MYZAP: variants seen among roughly 807,000 people sequenced by gnomAD.
MYZAP encodes the protein myocardial zonula adherens protein, also known as GRINL1A complex locus upstream.
A neutral mutation model predicts 69.4 loss-of-function variants in MYZAP; 66 were observed. The ratio of observed to expected loss-of-function variants is 0.95; its 90% CI spans 0.78 to 1.17. MYZAP has a LOEUF of 1.17. MYZAP is among the 50% of genes most tolerant of loss of function. The pLI is 0.00. For missense variants in MYZAP, 611 were observed against 556.2 expected, an observed-to-expected ratio of 1.10 and a Z score of -0.99; for synonymous variants, 256 against 205.9, an observed-to-expected ratio of 1.24 and a Z score of -2.09.
At chr15:57,637,634 T>C in intron 8 of MYZAP, 61 bp from the exon 9 acceptor site, 1 of 1,571,890 alleles carries the variant, frequency 6.4e-7, no homozygotes, top group Admixed American at 1.8e-5. Context: ...AATTGCTAAA[T>C]AGACATTCTC....
intron 11 of MYZAP, among the ~76,000 whole-genome samples, chr15:57,669,949 G>A (rs1423632502): frequency 6.6e-6 from 1 of 151,936 alleles, no homozygotes. Flanking sequence ...AATTTTTGTT[G>A]ATATTTTTAT....
intron 10 of MYZAP, among the ~76,000 whole-genome samples, chr15:57,643,249 C>T (rs2433197): frequency 0.69 from 105,241 of 152,178 alleles, 37,119 homozygotes; most frequent in East Asian, 0.9. Flanking sequence ...AGCACCCGCT[C>T]CGTGCTGGGG....
intron 12 of MYZAP, among the ~76,000 whole-genome samples, chr15:57,682,467 A>G (rs1430343605): frequency 2.0e-5 from 3 of 152,172 alleles, no homozygotes; most frequent in Non-Finnish European, 4.4e-5. Context: ...CTTCCCATCA[A>G]GTGCTTCCGT....
intron 2 of MYZAP, 86 bp downstream of exon 2, chr15:57,604,441 C>G (rs2034612487): frequency 6.8e-7 from 1 of 1,472,788 alleles, no homozygotes; most frequent in South Asian, 1.2e-5. Flanking sequence ...AGGCCATTCC[C>G]AGAGGCTGGG....
At position 57,625,826 on chromosome 15, in the gene MYZAP, G is replaced by T. The variant is rs2036098241; in HGVS notation, c.459G>T (p.Gln153His). The T allele has an allele frequency of 6.2e-7, 1 of 1,614,134 alleles. No homozygotes were observed. Reference sequence around the variant, plus strand: ...ATCTGGAGAATCACATCCAAACCCAGTCGTCTGCCCTGGATCGTTTTAATG... The same window carrying T: ...ATCTGGAGAATCACATCCAAACCCATTCGTCTGCCCTGGATCGTTTTAATG... Reference protein sequence around the residue: ...QEYLENHIQTQSSALDRFNAM... With the variant: ...QEYLENHIQTHSSALDRFNAM... The change falls in exon 5 of 13, where the codon CAG (glutamine) becomes CAT (histidine). Residue 153 changes from glutamine (Q) to histidine (H), a missense_variant. Coordinates refer to ENST00000267853, the MANE Select transcript of MYZAP (RefSeq NM_001018100.5).
At chr15:57,619,115 C>G (rs2035654820) in intron 3 of MYZAP, among the ~76,000 whole-genome samples, 1 of 152,164 alleles carries the variant, frequency 6.6e-6, no homozygotes, top group African/African-American at 2.4e-5. Context: ...AAAAACACAG[C>G]TTTGTGAGCC....
intron 1 of MYZAP, among the ~76,000 whole-genome samples, chr15:57,604,019 T>A (rs186445115): frequency 5.3e-4 from 80 of 152,340 alleles, no homozygotes; most frequent in Non-Finnish European, 3.8e-4. Flanking sequence ...TAAAGAAATG[T>A]TTGAAATAGA....
chr15:57,608,234 G>A (rs1486084651), intron 2 of MYZAP, among the ~76,000 whole-genome samples: 4 of 152,170 alleles, frequency 2.6e-5, no homozygotes, highest in African/African-American at 7.2e-5. Context: ...TTAATATTGC[G>A]GGGATGCCAC....
chr15:57,624,875 C>T (rs1044254698), intron 4 of MYZAP, among the ~76,000 whole-genome samples: 3 of 152,176 alleles, frequency 2.0e-5, no homozygotes, highest in African/African-American at 7.2e-5. Flanking sequence ...ACCTCCTGCT[C>T]TGCTGTGCCG....
At chr15:57,660,033 T>G (rs1310228020) in intron 10 of MYZAP, among the ~76,000 whole-genome samples, 7 of 152,174 alleles carry the variant, frequency 4.6e-5, no homozygotes, top group African/African-American at 1.4e-4. Flanking sequence ...TGCCATACAC[T>G]TCATCAGTGT....
intron 2 of MYZAP, among the ~76,000 whole-genome samples, chr15:57,604,558 C>A (rs1453682467): frequency 1.3e-5 from 2 of 152,192 alleles, no homozygotes; most frequent in African/African-American, 4.8e-5. Flanking sequence ...ACCGACGTGC[C>A]CTGCTCTTGT....
At chr15:57,623,264 A>G (rs1354073447) in intron 4 of MYZAP, among the ~76,000 whole-genome samples, 1 of 152,228 alleles carries the variant, frequency 6.6e-6, no homozygotes, top group Non-Finnish European at 1.5e-5. Flanking sequence ...ACAGAGAACA[A>G]TTCAGCATTA....
At chr15:57,611,475 T>C (rs2035102040) in intron 2 of MYZAP, among the ~76,000 whole-genome samples, 1 of 152,170 alleles carries the variant, frequency 6.6e-6, no homozygotes, top group Non-Finnish European at 1.5e-5. Flanking sequence ...CGGGGGTTAT[T>C]AGGCCTAAGC....
At chr15:57,638,158 G>A (rs1488498042) in intron 9 of MYZAP, among the ~76,000 whole-genome samples, 1 of 152,158 alleles carries the variant, frequency 6.6e-6, no homozygotes, top group East Asian at 1.9e-4. Flanking sequence ...TCCAAACTTT[G>A]CTTAGTAAAA....
Position 57,632,493 on chromosome 15 carries a change from C to A in MYZAP, c.738C>A (p.Tyr246Ter). The A allele has an allele frequency of 6.2e-7, 1 of 1,614,214 alleles. No homozygotes were observed. Among genetic ancestry groups the A allele is most frequent in the South Asian group, 1.1e-5 (1 of 91,088 alleles). ...TGCGAGAGATGACCAAGAAGCTGTACAGCCAGTATGAGGAGAAGCTGCAGG... is the reference window on the plus strand; with the variant it reads ...TGCGAGAGATGACCAAGAAGCTGTAAAGCCAGTATGAGGAGAAGCTGCAGG... ...EVMREMTKKL[Y>*]SQYEEKLQEE... The change falls in exon 7 of 13, where the codon TAC becomes TAA. Residue 246 changes from tyrosine (Y) to a stop codon, truncating the protein, a stop_gained. Transcript: ENST00000267853. LOFTEE classifies it high-confidence loss of function.
intron 1 of MYZAP, among the ~76,000 whole-genome samples, chr15:57,595,339 A>G (rs751182689): frequency 3.9e-5 from 6 of 152,254 alleles, no homozygotes; most frequent in Non-Finnish European, 7.3e-5. Context: ...AGTTTTATCT[A>G]TGGCAACAGC....
chr15:57,647,051 G>T (rs138013072), intron 10 of MYZAP: 1 of 985,432 alleles, frequency 1.0e-6, no homozygotes, highest in Non-Finnish European at 1.2e-6. Context: ...GGCTCGTGGA[G>T]TGAGTGCGTT....
intron 10 of MYZAP, among the ~76,000 whole-genome samples, chr15:57,641,428 G>A (rs1389441760): frequency 2.6e-5 from 4 of 152,000 alleles, no homozygotes; most frequent in African/African-American, 4.8e-5. Flanking sequence ...ATATGTATAT[G>A]TGTGTGTGTA....
rs1307599611 is a variant in MYZAP at position 57,629,706 on chromosome 15, C to T, written c.530C>T (p.Thr177Ile). ...TTTTTATTTTCATCCTCACAGAAAA[C>T]CCTCGTGGATGTGACTTTGGAAAAC... is the stretch of plus-strand genomic sequence containing the variant. ...LASDSIGLQKTLVDVTLENSN... is the reference protein window; with the variant it reads ...LASDSIGLQKILVDVTLENSN... Residue 177 changes from threonine (T) to isoleucine (I), a missense_variant, in exon 6 of 13, where the codon ACC becomes ATC. Coordinates refer to ENST00000267853, the MANE Select transcript of MYZAP (RefSeq NM_001018100.5). The T allele has an allele frequency of 1.2e-6, 2 of 1,607,884 alleles. No individual in the cohort carries two copies. The highest frequency in any genetic ancestry group is 1.7e-6 in the Non-Finnish European group (2 of 1,178,320).
Sources: allele counts gnomAD v4.1 joint callset (sites outside exome capture counted in the v4.1 genomes callset), GRCh38; gene constraint gnomAD v4.1.1; transcripts MANE v1.5; gene names NCBI Gene and HGNC (gene_info 2026-07-23, HGNC 2026-07-21).